ACVR1: variants seen among roughly 807,000 people sequenced by gnomAD.
The protein encoded by ACVR1 is activin A receptor type 1, also known as activin receptor type-1.
ACVR1 carries 38 observed loss-of-function variants against 57.1 expected under a neutral mutation model. That is an observed-to-expected ratio of 0.67 (90% CI 0.51 to 0.87). ACVR1 has a LOEUF of 0.87. Among genes scored for constraint, ACVR1 ranks in the 40% least tolerant of loss-of-function variants. The probability of loss-of-function intolerance (pLI) is 0.00; values close to 1 mark genes in which losing one functional copy is unlikely to be tolerated. For missense variants in ACVR1, 463 were observed against 638.2 expected (o/e 0.73, Z 2.96); for synonymous variants, 212 against 228.1 (o/e 0.93, Z 0.63).
chr2:157,812,771 G>A (rs1468146353), intron 2 of ACVR1, among the ~76,000 whole-genome samples: 1 of 152,104 alleles, frequency 6.6e-6, no homozygotes, highest in African/African-American at 2.4e-5. Flanking sequence ...GTTTTTACAA[G>A]TTCCAAGTTT....
chr2:157,860,952 A>G (rs1356879887), intron 1 of ACVR1, among the ~76,000 whole-genome samples: 1 of 152,208 alleles, frequency 6.6e-6, no homozygotes, highest in Non-Finnish European at 1.5e-5. Flanking sequence ...TATTGATGCC[A>G]TCACTGCTGA....
chr2:157,741,945 G>A (rs571838814), intron 9 of ACVR1, among the ~76,000 whole-genome samples: 2 of 152,240 alleles, frequency 1.3e-5, no homozygotes, highest in Non-Finnish European at 2.9e-5. Flanking sequence ...AAACCCCTAC[G>A]GAGTGGGTGC....
At chr2:157,797,887 T>A (rs775864983) in intron 3 of ACVR1, among the ~76,000 whole-genome samples, 4 of 152,062 alleles carry the variant, frequency 2.6e-5, no homozygotes, top group Non-Finnish European at 5.9e-5. Flanking sequence ...TGTGCTGATA[T>A]AAAAGAGATC....
intron 2 of ACVR1, among the ~76,000 whole-genome samples, chr2:157,804,939 A>T (rs1470855188): frequency 1.3e-5 from 2 of 152,230 alleles, no homozygotes; most frequent in African/African-American, 4.8e-5. Flanking sequence ...GCTTGAAACC[A>T]AGTTTGGCAC....
chr2:157,785,090 C>T (rs572398966), intron 3 of ACVR1, among the ~76,000 whole-genome samples: 2 of 152,300 alleles, frequency 1.3e-5, no homozygotes, highest in South Asian at 2.1e-4. Flanking sequence ...ATGTCTTTGA[C>T]ATAAAAGACA....
chr2:157,756,887 T>C (rs1160507232), intron 9 of ACVR1, among the ~76,000 whole-genome samples: 1 of 151,166 alleles, frequency 6.6e-6, no homozygotes, highest in Non-Finnish European at 1.5e-5. Context: ...TGCAAAAATA[T>C]GGAACTAGCC....
At chr2:157,795,738 TA>T (rs918535363) in intron 3 of ACVR1, among the ~76,000 whole-genome samples, 2 of 151,178 alleles carry the variant, frequency 1.3e-5, no homozygotes, top group Admixed American at 6.6e-5. Flanking sequence ...AAAGCAGGAT[TA>T]AAAAAAAACA....
At chr2:157,805,507 A>G (rs1687486550) in intron 2 of ACVR1, among the ~76,000 whole-genome samples, 1 of 152,176 alleles carries the variant, frequency 6.6e-6, no homozygotes, top group Non-Finnish European at 1.5e-5. Context: ...TTTTCTTTAT[A>G]TATCTTTAGG....
chr2:157,791,327 AAATT>A (rs1443856762), intron 3 of ACVR1, among the ~76,000 whole-genome samples: 1 of 152,178 alleles, frequency 6.6e-6, no homozygotes, highest in Non-Finnish European at 1.5e-5. Context: ...AACTCATAAT[AAATT>A]ATTTGAAAGA....
At chr2:157,768,305 T>C (rs1409934541) in intron 7 of ACVR1, among the ~76,000 whole-genome samples, 1 of 152,174 alleles carries the variant, frequency 6.6e-6, no homozygotes, top group East Asian at 1.9e-4. Context: ...ACATTAGTTA[T>C]TCTTAATAAA....
At chr2:157,861,386 A>T (rs1249842664) in intron 1 of ACVR1, among the ~76,000 whole-genome samples, 2 of 152,234 alleles carry the variant, frequency 1.3e-5, no homozygotes, top group Non-Finnish European at 2.9e-5. Context: ...GTTATGCAAC[A>T]TCAAGTCTGT....
intron 1 of ACVR1, among the ~76,000 whole-genome samples, chr2:157,863,194 G>A (rs1689785713): frequency 1.3e-5 from 2 of 150,184 alleles, no homozygotes; most frequent in African/African-American, 4.9e-5. Context: ...TATATTTTTA[G>A]TAGTGATGAG....
At chr2:157,756,544 A>G (rs1685430770) in intron 9 of ACVR1, among the ~76,000 whole-genome samples, 1 of 152,110 alleles carries the variant, frequency 6.6e-6, no homozygotes, top group Non-Finnish European at 1.5e-5. Flanking sequence ...GTCAACAAAC[A>G]TATTTTAAAA....
At chr2:157,757,489 A>G (rs1330748551) in intron 9 of ACVR1, among the ~76,000 whole-genome samples, 6 of 151,918 alleles carry the variant, frequency 3.9e-5, no homozygotes, top group African/African-American at 7.2e-5. Flanking sequence ...GAAAATTCTA[A>G]AAACAGCAGT....
intron 3 of ACVR1, among the ~76,000 whole-genome samples, chr2:157,794,447 C>G (rs1174142652): frequency 6.6e-6 from 1 of 152,134 alleles, no homozygotes; most frequent in Non-Finnish European, 1.5e-5. Context: ...CGCTCTCAAA[C>G]AGACTGGATC....
intron 1 of ACVR1, among the ~76,000 whole-genome samples, chr2:157,866,265 T>C (rs144243886): frequency 6.6e-6 from 1 of 152,222 alleles, no homozygotes; most frequent in Non-Finnish European, 1.5e-5. Context: ...AAGATTTCCA[T>C]GTACAACACT....
At chr2:157,764,532 C>T (rs1470646277) in intron 8 of ACVR1, among the ~76,000 whole-genome samples, 5 of 151,942 alleles carry the variant, frequency 3.3e-5, no homozygotes, top group African/African-American at 1.2e-4. Context: ...ATGCAAGTTT[C>T]TAACAACGCA....
intron 8 of ACVR1, among the ~76,000 whole-genome samples, chr2:157,761,297 A>G (rs557614796): frequency 6.1e-4 from 93 of 152,316 alleles, no homozygotes; most frequent in African/African-American, 2.2e-3. Flanking sequence ...CTATCAGGTT[A>G]ATATATGAAC....
chr2:157,758,775 C>A (rs185266687), intron 9 of ACVR1, among the ~76,000 whole-genome samples: 1 of 151,926 alleles, frequency 6.6e-6, no homozygotes, highest in East Asian at 1.9e-4. Context: ...CATGAATAGA[C>A]CATATGTTAG....
Sources: allele counts gnomAD v4.1 joint callset (sites outside exome capture counted in the v4.1 genomes callset), GRCh38; gene constraint gnomAD v4.1.1; transcripts MANE v1.5; gene names NCBI Gene and HGNC (gene_info 2026-07-23, HGNC 2026-07-21).